ZNF236: variants seen among roughly 807,000 people sequenced by gnomAD.
The protein encoded by ZNF236 is regulated by glucose.
Under a neutral mutation model 191.2 loss-of-function variants are expected in ZNF236, and 50 were observed. The ratio of observed to expected loss-of-function variants is 0.26; its 90% CI spans 0.21 to 0.33. The LOEUF (loss-of-function observed/expected upper bound fraction) is 0.33, where lower values mean the gene tolerates loss of function less well. Ranked by LOEUF, ZNF236 falls within the 10% of genes least tolerant of loss-of-function variation. The pLI is 1.00. For synonymous variants in ZNF236, 907 were observed against 928.8 expected (o/e 0.98, Z 0.43); for missense variants, 1,754 against 2,374.5 (o/e 0.74, Z 5.43).
At chr18:76,912,467 TCCA>T in intron 17 of ZNF236, 120 bp downstream of exon 17, 1 of 620,482 alleles carries the variant, frequency 1.6e-6, no homozygotes, top group Non-Finnish European at 2.8e-6. Flanking sequence ...TCAAAACAGT[TCCA>T]TTGTCATCCA....
intron 5 of ZNF236, among the ~76,000 whole-genome samples, chr18:76,874,767 A>G (rs1976668803): frequency 1.4e-4 from 3 of 21,634 alleles, no homozygotes; most frequent in Non-Finnish European, 2.4e-4. Flanking sequence ...CGGATTTCAG[A>G]GGCCCGGAAG....
At chr18:76,899,656 T>G (rs1447052700) in intron 11 of ZNF236, among the ~76,000 whole-genome samples, 2 of 152,120 alleles carry the variant, frequency 1.3e-5, no homozygotes, top group East Asian at 3.8e-4. Context: ...AAAAGAAAAA[T>G]CTGCCTGCTT....
intron 27 of ZNF236, among the ~76,000 whole-genome samples, chr18:76,955,742 C>T (rs1438462305): frequency 2.0e-5 from 3 of 152,234 alleles, no homozygotes. Flanking sequence ...GTCAGTGCGG[C>T]GCCAGAGCTC....
chr18:76,843,290 G>T (rs763140613), intron 1 of ZNF236, among the ~76,000 whole-genome samples: 1 of 152,022 alleles, frequency 6.6e-6, no homozygotes, highest in Non-Finnish European at 1.5e-5. Context: ...AGCTATTAGG[G>T]CCTATCTATT....
chr18:76,947,471 C>A, intron 26 of ZNF236, 50 bp from the exon 27 acceptor site: 1 of 1,581,668 alleles, frequency 6.3e-7, no homozygotes, highest in Non-Finnish European at 8.6e-7. Context: ...TAAATTATTG[C>A]TTGTTTTGCT....
chr18:76,831,476 A>G (rs1418605790), intron 1 of ZNF236, among the ~76,000 whole-genome samples: 1 of 152,188 alleles, frequency 6.6e-6, no homozygotes, highest in African/African-American at 2.4e-5. Flanking sequence ...TTTTAGCAAT[A>G]TGAGTAAAGT....
At chr18:76,954,271 G>A (rs1968473076) in intron 27 of ZNF236, among the ~76,000 whole-genome samples, 1 of 152,214 alleles carries the variant, frequency 6.6e-6, no homozygotes, top group Non-Finnish European at 1.5e-5. Context: ...TTCCTTGAAT[G>A]ATGTGGACCA....
chr18:76,869,314 C>T (rs1976514941), intron 4 of ZNF236, among the ~76,000 whole-genome samples: 2 of 152,096 alleles, frequency 1.3e-5, no homozygotes, highest in African/African-American at 2.4e-5. Flanking sequence ...CTTTTATGTT[C>T]CCATTTTGCA....
chr18:76,953,804 C>A (rs955458321), intron 27 of ZNF236, among the ~76,000 whole-genome samples: 1 of 152,260 alleles, frequency 6.6e-6, no homozygotes, highest in South Asian at 2.1e-4. Flanking sequence ...CAGTGCCGGC[C>A]GCTGGACGCA....
chr18:76,882,086 C>G (rs1019815669), intron 9 of ZNF236, among the ~76,000 whole-genome samples: 1 of 152,202 alleles, frequency 6.6e-6, no homozygotes, highest in Non-Finnish European at 1.5e-5. Flanking sequence ...CTTCTAGGCA[C>G]AAACTTATTA....
At chr18:76,913,413 G>A (rs1424540305) in intron 17 of ZNF236, among the ~76,000 whole-genome samples, 1 of 152,148 alleles carries the variant, frequency 6.6e-6, no homozygotes, top group Non-Finnish European at 1.5e-5. Context: ...AGAAAAGAGT[G>A]CATACATTTT....
Position 76,956,202 on chromosome 18 carries a change from G to A in ZNF236, c.5112+20G>A, listed in dbSNP as rs1968520939. The A allele has an allele frequency of 3.9e-6, 6 of 1,541,900 alleles. No homozygotes were observed. The highest frequency in any genetic ancestry group is 2.0e-5 in the Admixed American group (1 of 51,026). ...CTCAAGGTAGGCCCACTGTGCCAGG[G>A]CACAGCTGTGTGCCCCCCAGGCGGC... On this transcript the variant is annotated intron_variant, in intron 28 of 30. Coordinates refer to ENST00000320610, the MANE Select transcript of ZNF236 (RefSeq NM_001306089.2).
chr18:76,868,777 C>T lies in ZNF236; in HGVS notation c.456C>T (p.Thr152=), dbSNP rs936909130. 7 of 1,613,806 alleles carry T rather than the reference C, an allele frequency of 4.3e-6. No individual in the cohort carries two copies. In the African/African-American group the frequency reaches 8.0e-5, roughly 18 times the overall value. The part of the protein sequence containing the change: ...MEEHRQELAG[T]RQHACKACKK... The stretch of plus-strand genomic sequence containing the variant: ...AGCACCGCCAGGAGCTGGCTGGAAC[C>T]CGGCAGCATGCCTGCAAGGCCTGCA... Residue 152 remains threonine, a synonymous_variant, in exon 4 of 31, where the codon ACC becomes ACT. Coordinates refer to ENST00000320610, the MANE Select transcript of ZNF236 (RefSeq NM_001306089.2).
At chr18:76,961,367 TTGTGTGTGTGTGTGTGTG>T (rs58383689) in intron 30 of ZNF236, among the ~76,000 whole-genome samples, 25 of 146,838 alleles carry the variant, frequency 1.7e-4, no homozygotes, top group Non-Finnish European at 3.6e-4. Flanking sequence ...TAGTATTCCA[TTGTGTGTGTGTGTGTGTG>T]TGTGTGTGTG....
In ZNF236 at chr18:76,910,006, A is replaced by G; in HGVS notation, c.2552-62A>G. 6.2e-6 allele frequency: 8 copies of G among 1,299,476 alleles called. No homozygotes were observed. In the South Asian group the frequency reaches 9.7e-5, roughly 16 times the overall value. The allele number at this position is 1,299,476 out of a possible 1,614,324, so 80.5% of individuals were successfully genotyped here. ...CTCGCCGAAGTGTACTTTTGGACAG[A>G]TTTGCAGTTGTGAAATAACTTCCAA... On this transcript the variant is annotated intron_variant, in intron 14 of 30. Coordinates refer to ENST00000320610, the MANE Select transcript of ZNF236 (RefSeq NM_001306089.2).
At position 76,968,371 on chromosome 18, in the gene ZNF236, T is replaced by G. The variant is rs200091573; in HGVS notation, c.*32T>G. 1,194 of 1,585,756 alleles carry G rather than the reference T, an allele frequency of 7.5e-4. 11 individuals are homozygous for G. The African/African-American group carries it at 0.015, about 20-fold the overall frequency. ...TTGGAAGTACACCTTTAAGAATGTTTCTGAAGTTACGTTTTGTGAAGAGCA... is the reference window on the plus strand; with the variant it reads ...TTGGAAGTACACCTTTAAGAATGTTGCTGAAGTTACGTTTTGTGAAGAGCA... On this transcript the variant is annotated 3_prime_UTR_variant, in exon 31 of 31. Coordinates refer to ENST00000320610, the MANE Select transcript of ZNF236 (RefSeq NM_001306089.2).
chr18:76,927,028 T>C lies in ZNF236; in HGVS notation c.4028-9T>C. 1.3e-6 allele frequency: 2 copies of C among 1,594,868 alleles called. No individual in the cohort carries two copies. Among genetic ancestry groups the C allele is most frequent in the Non-Finnish European group, 1.7e-6 (2 of 1,167,768 alleles). On this transcript the variant is annotated splice_polypyrimidine_tract_variant and intron_variant, in intron 22 of 30. Coordinates refer to ENST00000320610, the MANE Select transcript of ZNF236 (RefSeq NM_001306089.2). This position sits in a 1 kb window ranked among gnomAD's most constrained non-coding sequence, Gnocchi z 5.4. ...TATTTGATCATTCTCTTTCTCTTTC[T>C]CTGGCCAGCTGGGGGTGACCTGACC...
At chr18:76,913,725 G>A (rs1967280580) in intron 17 of ZNF236, 22 bp from the exon 18 acceptor site, 1 of 1,611,888 alleles carries the variant, frequency 6.2e-7, no homozygotes. Flanking sequence ...CGTGGTCTGA[G>A]TTCTGTATGT....
At chr18:76,847,765 T>C (rs915482693) in intron 1 of ZNF236, among the ~76,000 whole-genome samples, 1 of 152,128 alleles carries the variant, frequency 6.6e-6, no homozygotes, top group African/African-American at 2.4e-5. Context: ...CGTGAGCCCC[T>C]CCGCCCGGCC....
Sources: gnomAD v4.1 joint callset for allele counts (sites outside exome capture counted in the v4.1 genomes callset) on GRCh38, gnomAD v4.1.1 for gene constraint, Gnocchi (gnomAD v3.1) non-coding constraint, MANE v1.5 for transcripts, NCBI Gene and HGNC (gene_info 2026-07-23, HGNC 2026-07-21) for gene names.